TENM1: variants seen among roughly 807,000 people sequenced by gnomAD.
The protein encoded by TENM1 is teneurin transmembrane protein 1, also known as teneurin-1.
TENM1 carries 35 observed loss-of-function variants against 174.8 expected under a neutral mutation model. That is an observed-to-expected ratio of 0.20 (90% confidence interval 0.15 to 0.27). TENM1 has a LOEUF of 0.27. Ranked by LOEUF, TENM1 falls within the 10% of genes least tolerant of loss-of-function variation. TENM1 has a pLI of 1.00. For synonymous variants in TENM1, 781 were observed against 798.7 expected, an observed-to-expected ratio of 0.98 and a Z score of 0.37; for missense variants, 1,633 against 2,130.1, an observed-to-expected ratio of 0.77 and a Z score of 4.59.
At chrX:124,783,582 G>A (rs763398836) in intron 3 of TENM1, among the ~76,000 whole-genome samples, 13 of 111,585 alleles carry the variant, frequency 1.2e-4, no homozygotes, top group Non-Finnish European at 2.5e-4. Flanking sequence ...TTCTGCAGGT[G>A]ATAATCACTA....
chrX:125,136,498 C>T, the TENM1 span, among the ~76,000 whole-genome samples: 1 of 111,758 alleles, frequency 8.9e-6, no homozygotes, highest in Admixed American at 9.5e-5. Flanking sequence ...GGTTAAGTAA[C>T]GTGCTGCAGG....
intron 3 of TENM1, among the ~76,000 whole-genome samples, chrX:124,739,551 C>G (rs1370538026): frequency 9.0e-6 from 1 of 111,605 alleles, no homozygotes; most frequent in Non-Finnish European, 1.9e-5. Context: ...TAAAACTCTC[C>G]CCCACCCCCA....
At chrX:124,464,668 G>C (rs1217456844) in intron 22 of TENM1, among the ~76,000 whole-genome samples, 2 of 111,588 alleles carry the variant, frequency 1.8e-5, no homozygotes, top group Admixed American at 9.5e-5. Flanking sequence ...AACTGATTTG[G>C]GCTCAATCAA....
At chrX:124,931,898 C>T (rs189547792) in intron 1 of TENM1, among the ~76,000 whole-genome samples, 1,151 of 109,894 alleles carry the variant, frequency 0.01, 22 homozygotes, top group African/African-American at 0.036. Context: ...CACACACACA[C>T]GTACACGCAC....
chrX:124,764,496 T>C (rs1306654203), intron 3 of TENM1, among the ~76,000 whole-genome samples: 1 of 110,994 alleles, frequency 9.0e-6, no homozygotes, highest in Non-Finnish European at 1.9e-5. Context: ...GTCTGTCTTG[T>C]CCCTCAACTA....
At chrX:124,995,607 G>A in the TENM1 span, among the ~76,000 whole-genome samples, 1 of 111,157 alleles carries the variant, frequency 9.0e-6, no homozygotes, top group South Asian at 3.8e-4. Context: ...CGTATGCATC[G>A]AATTTTTCAC....
chrX:124,884,967 A>G (rs1181425161), intron 3 of TENM1, among the ~76,000 whole-genome samples: 1 of 111,981 alleles, frequency 8.9e-6, no homozygotes, highest in Non-Finnish European at 1.9e-5. Flanking sequence ...TAGGCTACAA[A>G]CCTGTAAGCA....
At chrX:125,088,966 C>T in the TENM1 span, among the ~76,000 whole-genome samples, 5 of 111,305 alleles carry the variant, frequency 4.5e-5, no homozygotes, top group African/African-American at 9.8e-5. Context: ...TCACCAGTGA[C>T]GTAAAAAGGA....
intron 3 of TENM1, among the ~76,000 whole-genome samples, chrX:124,853,899 G>C (rs2056767711): frequency 9.0e-6 from 1 of 111,294 alleles, no homozygotes; most frequent in Non-Finnish European, 1.9e-5. Flanking sequence ...AATGGTTGAG[G>C]ATTGGCAAGA....
intron 3 of TENM1, among the ~76,000 whole-genome samples, chrX:124,804,243 A>C (rs2147245798): frequency 8.9e-6 from 1 of 112,122 alleles, no homozygotes; most frequent in South Asian, 3.7e-4. Flanking sequence ...CATTCTCAAA[A>C]AAATGCATAA....
intron 6 of TENM1, among the ~76,000 whole-genome samples, chrX:124,665,429 C>T (rs1184119490): frequency 5.4e-5 from 6 of 111,201 alleles, no homozygotes; most frequent in Admixed American, 1.9e-4. Flanking sequence ...ATTGTAAATG[C>T]TAAGTGCAAG....
At chrX:124,687,541 C>T (rs2052397573) in intron 5 of TENM1, among the ~76,000 whole-genome samples, 2 of 111,908 alleles carry the variant, frequency 1.8e-5, no homozygotes, top group Non-Finnish European at 3.8e-5. Context: ...ATGATGAAAT[C>T]GCCAAAAGCA....
At chrX:124,815,721 T>G (rs2147278273) in intron 3 of TENM1, among the ~76,000 whole-genome samples, 1 of 111,363 alleles carries the variant, frequency 9.0e-6, no homozygotes, top group East Asian at 2.8e-4. Flanking sequence ...AATTAAACAC[T>G]GTACTCTAGA....
chrX:124,906,669 A>T (rs1459099454), intron 1 of TENM1, among the ~76,000 whole-genome samples: 2 of 112,390 alleles, frequency 1.8e-5, no homozygotes, highest in Non-Finnish European at 3.8e-5. Context: ...AATAAAGAAC[A>T]TCAATAGGCA....
chrX:124,848,653 G>A (rs1386810714), intron 3 of TENM1, among the ~76,000 whole-genome samples: 1 of 110,484 alleles, frequency 9.1e-6, no homozygotes, highest in Non-Finnish European at 1.9e-5. Flanking sequence ...ACATAAATAT[G>A]TACATACATA....
At chrX:124,408,719 G>C (rs2060491733) in intron 25 of TENM1, among the ~76,000 whole-genome samples, 1 of 106,170 alleles carries the variant, frequency 9.4e-6, no homozygotes, top group African/African-American at 3.5e-5. Flanking sequence ...TGCACAATGT[G>C]CAGGTTAGTT....
chrX:124,641,554 G>C (rs1319454762), intron 11 of TENM1, among the ~76,000 whole-genome samples: 1 of 111,040 alleles, frequency 9.0e-6, no homozygotes, highest in Non-Finnish European at 1.9e-5. Context: ...AACTGTAGGA[G>C]AATACAAAAT....
chrX:124,612,792 TATCATCTATCTATCATTG>T (rs1178855909), intron 11 of TENM1, among the ~76,000 whole-genome samples: 99 of 110,912 alleles, frequency 8.9e-4, no homozygotes, highest in African/African-American at 2.7e-3. Flanking sequence ...TATCTATCTA[TATCATCTATCTATCATTG>T]ATCATCTATC....
chrX:124,676,714 G>C lies in TENM1; in HGVS notation c.1016-4879C>G, dbSNP rs763071185. Among the ~76,000 whole-genome samples, 89 of 109,102 alleles carry C rather than the reference G, an allele frequency of 8.2e-4. 1 individual carries two copies. The highest frequency in any genetic ancestry group is 9.5e-3 in the Middle Eastern group (2 of 211). 94.7% of individuals were successfully genotyped at this position (109,102 alleles called of 115,157 possible). On this transcript the variant is annotated intron_variant, in intron 5 of 31. Coordinates refer to ENST00000422452, the Ensembl canonical transcript of TENM1. ...TCTTCTTAACGTACACATTTCTGTA[G>C]CAACCTCCAAGTCTCTCTGCAGTTT...
Sources: gnomAD v4.1 joint callset for allele counts (sites outside exome capture counted in the v4.1 genomes callset) on GRCh38, gnomAD v4.1.1 for gene constraint, MANE v1.5 for transcripts, NCBI Gene and HGNC (gene_info 2026-07-23, HGNC 2026-07-21) for gene names.